Variants in GLRA1 observed in about 807,000 individuals in gnomAD.
GLRA1 encodes glycine receptor subunit alpha-1.
GLRA1 carries 37 observed loss-of-function variants against 48.3 expected under a neutral mutation model. That is an observed-to-expected ratio of 0.77 (90% CI 0.59 to 1.01). The LOEUF is 1.01. Ranked by LOEUF, GLRA1 falls within the 50% of genes least tolerant of loss-of-function variation. The pLI, the probability that GLRA1 is intolerant of heterozygous loss-of-function variation, is 0.00. For synonymous variants in GLRA1, 196 were observed against 210.7 expected (o/e 0.93, Z 0.60); for missense variants, 427 against 571.0 (o/e 0.75, Z 2.57).
At chr5:151,839,539 G>T (rs1170873650) in intron 7 of GLRA1, among the ~76,000 whole-genome samples, 1 of 152,186 alleles carries the variant, frequency 6.6e-6, no homozygotes, top group Non-Finnish European at 1.5e-5. Context: ...CGTACTGTTT[G>T]TTATGAACTG....
chr5:151,849,882 A>G, intron 7 of GLRA1: 2 of 1,477,512 alleles, frequency 1.4e-6, no homozygotes, highest in Admixed American at 2.3e-5. Flanking sequence ...AGTATTTTAC[A>G]GTCTGAAGGC....
chr5:151,900,706 T>C (rs1754346118), intron 1 of GLRA1, among the ~76,000 whole-genome samples: 1 of 152,180 alleles, frequency 6.6e-6, no homozygotes, highest in Admixed American at 6.5e-5. Flanking sequence ...TCCAGGTGCA[T>C]GTGTGAAGGC....
intron 6 of GLRA1, among the ~76,000 whole-genome samples, chr5:151,854,154 A>G (rs185965921): frequency 6.0e-4 from 92 of 152,314 alleles, no homozygotes; most frequent in Non-Finnish European, 1.2e-3. Flanking sequence ...CATGGCTGCT[A>G]TGGGAATACC....
rs188485620 is a variant in GLRA1, at chr5:151,843,353, C to T, written c.912+8037G>A. On this transcript the variant is annotated intron_variant, in intron 7 of 8. Coordinates refer to ENST00000274576, the MANE Select transcript of GLRA1 (RefSeq NM_000171.4). ...TCAGCTCACTGCAAGCTCTGCCTCCCGGGTTCACGCCATTCTCCTGCCTCA... is the reference window on the plus strand; with the variant it reads ...TCAGCTCACTGCAAGCTCTGCCTCCTGGGTTCACGCCATTCTCCTGCCTCA... Among the ~76,000 whole-genome samples, 851 of 151,274 alleles carry T rather than the reference C, an allele frequency of 5.6e-3. 3 individuals are homozygous for T. Among genetic ancestry groups the T allele is most frequent in the Non-Finnish European group, 8.2e-3 (557 of 67,832 alleles).
At chr5:151,924,310 C>CGGGGGTGGGGTGGGTGGCG (rs1754952155) in intron 1 of GLRA1, among the ~76,000 whole-genome samples, 184 bp downstream of exon 1, 1 of 6,390 alleles carries the variant, frequency 1.6e-4, no homozygotes, top group South Asian at 5.1e-3. Context: ...ACCCTGCGGG[C>CGGGGGTGGGGTGGGTGGCG]GGGGGTGGGG....
intron 1 of GLRA1, among the ~76,000 whole-genome samples, chr5:151,898,517 C>A (rs923562100): frequency 2.6e-5 from 4 of 152,158 alleles, no homozygotes; most frequent in Non-Finnish European, 5.9e-5. Flanking sequence ...TGGCACCACA[C>A]CCCCAAGAAC....
intron 3 of GLRA1, among the ~76,000 whole-genome samples, chr5:151,876,166 T>A (rs765394811): frequency 6.6e-6 from 1 of 152,200 alleles, no homozygotes; most frequent in Non-Finnish European, 1.5e-5. Flanking sequence ...ATTCCCTAAT[T>A]CTACATATGT....
intron 3 of GLRA1, among the ~76,000 whole-genome samples, chr5:151,864,098 C>G (rs1480016362): frequency 6.6e-6 from 1 of 151,808 alleles, no homozygotes; most frequent in Non-Finnish European, 1.5e-5. Flanking sequence ...TGGAAATAGT[C>G]TCTCCTTCTC....
intron 1 of GLRA1, among the ~76,000 whole-genome samples, chr5:151,915,479 A>T (rs1754716296): frequency 6.6e-6 from 1 of 152,166 alleles, no homozygotes; most frequent in Non-Finnish European, 1.5e-5. Flanking sequence ...AATTAGAAAA[A>T]GTATAAGTGT....
chr5:151,910,891 G>A (rs1393718071), intron 1 of GLRA1, among the ~76,000 whole-genome samples: 1 of 152,192 alleles, frequency 6.6e-6, no homozygotes, highest in Non-Finnish European at 1.5e-5. Flanking sequence ...CCCCCCACTA[G>A]AAGTTAAGGT....
rs1561577523 is a variant in GLRA1 at position 151,899,778 on chromosome 5, CT to C, written c.57-7341del. Among the ~76,000 whole-genome samples the C allele has an allele frequency of 8.5e-5, 13 of 152,260 alleles. No homozygotes were observed. In the South Asian group the frequency reaches 2.7e-3, roughly 32 times the overall value. ...TCACTTCATGATCTGCTAAGCACCC[CT>C]GGGAACAGAATGTCACAGTTGGCAT... On this transcript the variant is annotated intron_variant, in intron 1 of 8. Transcript: ENST00000274576.
At chr5:151,857,947 C>A (rs1224768087) in intron 4 of GLRA1, among the ~76,000 whole-genome samples, 1 of 152,222 alleles carries the variant, frequency 6.6e-6, no homozygotes, top group African/African-American at 2.4e-5. Context: ...TAAAGTCACA[C>A]AGCAAGCTGA....
chr5:151,850,865 A>C, intron 7 of GLRA1: 1 of 642,370 alleles, frequency 1.6e-6, no homozygotes, highest in East Asian at 2.8e-5. Flanking sequence ...CCCTCTCCCA[A>C]TTGTCCCAAT....
At chr5:151,903,822 C>T (rs1475035200) in intron 1 of GLRA1, among the ~76,000 whole-genome samples, 2 of 152,152 alleles carry the variant, frequency 1.3e-5, no homozygotes, top group African/African-American at 4.8e-5. Context: ...CTTTATGAAA[C>T]ATCAAGCATT....
chr5:151,887,661 C>T (rs1252867518), intron 2 of GLRA1, among the ~76,000 whole-genome samples: 2 of 152,128 alleles, frequency 1.3e-5, no homozygotes, highest in Non-Finnish European at 2.9e-5. Context: ...TCCAAGGGTG[C>T]TCATCTTAAT....
At chr5:151,841,828 G>A (rs903776651) in intron 7 of GLRA1, among the ~76,000 whole-genome samples, 18 of 152,170 alleles carry the variant, frequency 1.2e-4, no homozygotes, top group South Asian at 2.1e-4. Context: ...AGGCCAAGAC[G>A]GGTGGATCAT....
In GLRA1 at chr5:151,873,389, G is replaced by A. The variant is rs1395838990; in HGVS notation, c.252+13332C>T. Among the ~76,000 whole-genome samples the A allele has an allele frequency of 8.7e-5, 13 of 149,568 alleles. 1 individual carries two copies. Among genetic ancestry groups the A allele is most frequent in the Admixed American group, 2.6e-4 (4 of 15,194 alleles). On this transcript the variant is annotated intron_variant, in intron 3 of 8. Transcript: ENST00000274576. ...TCAGATTTACCTTACAGCCAGGCGCGGTGGCTCATGCCTATAATCCCAGCA... is the reference window on the plus strand; with the variant it reads ...TCAGATTTACCTTACAGCCAGGCGCAGTGGCTCATGCCTATAATCCCAGCA...
At chr5:151,859,380 C>G (rs543398935) in intron 4 of GLRA1, among the ~76,000 whole-genome samples, 2 of 152,170 alleles carry the variant, frequency 1.3e-5, no homozygotes, top group South Asian at 4.1e-4. Flanking sequence ...TGGCCTTGAC[C>G]GTGAGCAACA....
intron 8 of GLRA1, among the ~76,000 whole-genome samples, chr5:151,826,935 A>C (rs1047748876): frequency 6.6e-6 from 1 of 152,208 alleles, no homozygotes; most frequent in Non-Finnish European, 1.5e-5. Flanking sequence ...TGTCTCTAGC[A>C]GATGAAATTA....
Sources: gnomAD v4.1 joint callset for allele counts (sites outside exome capture counted in the v4.1 genomes callset) on GRCh38, gnomAD v4.1.1 for gene constraint, MANE v1.5 for transcripts, NCBI Gene and HGNC (gene_info 2026-07-23, HGNC 2026-07-21) for gene names.